The following ANKRD11 variants were observed in gnomAD, a reference collection of about 807,000 sequenced individuals.
ANKRD11 encodes ankyrin repeat domain-containing protein 11.
ANKRD11 carries 17 observed loss-of-function variants against 195.7 expected under a neutral mutation model. The observed-to-expected ratio is 0.09, with a 90% confidence interval of 0.06 to 0.13. The LOEUF (loss-of-function observed/expected upper bound fraction) is 0.13, where lower values mean the gene tolerates loss of function less well. Ranked by LOEUF, ANKRD11 falls within the 10% of genes least tolerant of loss-of-function variation. ANKRD11 has a pLI of 1.00. For synonymous variants in ANKRD11, 1,953 were observed against 1,528.1 expected (o/e 1.28, Z -6.49); for missense variants, 3,735 against 3,566.1 (o/e 1.05, Z -1.21).
chr16:89,456,828 T>A (rs2152325607), intron 1 of ANKRD11, among the ~76,000 whole-genome samples: 1 of 152,304 alleles, frequency 6.6e-6, no homozygotes, highest in Non-Finnish European at 1.5e-5. Context: ...GAGCGCTTCC[T>A]TCGGGGGGAA....
intron 2 of ANKRD11, chr16:89,324,292 G>A (rs1429980672): frequency 3.2e-5 from 40 of 1,260,402 alleles, no homozygotes; most frequent in South Asian, 5.3e-5. Flanking sequence ...TCCGGAACAC[G>A]GACCACCCGA....
chr16:89,313,712 T>C, intron 3 of ANKRD11: 9 of 760,542 alleles, frequency 1.2e-5, no homozygotes, highest in Non-Finnish European at 1.7e-5. Context: ...TGTGTGCACC[T>C]GAGTTCTGGC....
At chr16:89,376,846 C>G (rs2040444385) in intron 2 of ANKRD11, among the ~76,000 whole-genome samples, 1 of 152,158 alleles carries the variant, frequency 6.6e-6, no homozygotes, top group African/African-American at 2.4e-5. Flanking sequence ...GGATAGAAGG[C>G]AAGAAGGGAT....
chr16:89,366,326 T>C lies in ANKRD11; in HGVS notation c.-59-49248A>G, dbSNP rs890448637. ...TGTCTTTATGGTAGAATGGTTTCTATTCCTCTGGGTATATACCCAGTAATG... is the reference window on the plus strand; with the variant it reads ...TGTCTTTATGGTAGAATGGTTTCTACTCCTCTGGGTATATACCCAGTAATG... On this transcript the variant is annotated intron_variant, in intron 2 of 12. Transcript: ENST00000301030. 5.9e-5 allele frequency among the ~76,000 whole-genome samples: 9 copies of C among 152,270 alleles called. No individual in the cohort carries two copies. In the South Asian group the frequency reaches 1.2e-3, roughly 21 times the overall value.
chr16:89,418,446 A>G (rs557171477), intron 1 of ANKRD11, 78 bp from the exon 2 acceptor site: 44 of 398,824 alleles, frequency 1.1e-4, no homozygotes, highest in South Asian at 2.3e-4. Flanking sequence ...GTCTCCCTCC[A>G]TTTGGTCCAC....
chr16:89,355,273 G>A (rs1217429329), intron 2 of ANKRD11, among the ~76,000 whole-genome samples: 1 of 151,314 alleles, frequency 6.6e-6, no homozygotes, highest in Non-Finnish European at 1.5e-5. Context: ...GGCGGGCAGA[G>A]GGCTCACACC....
intron 2 of ANKRD11, among the ~76,000 whole-genome samples, chr16:89,346,104 C>T (rs1300025036): frequency 1.3e-5 from 2 of 151,786 alleles, no homozygotes; most frequent in Non-Finnish European, 2.9e-5. Context: ...AAAAAATTAG[C>T]CGGGCGTGGT....
rs947277113 is a variant in ANKRD11, at chr16:89,486,891, C to A, written c.-145+3354G>T. Among the ~76,000 whole-genome samples the A allele has an allele frequency of 1.6e-4, 24 of 152,044 alleles. 1 individual carries two copies. Among genetic ancestry groups the A allele is most frequent in the Admixed American group, 1.4e-3 (22 of 15,262 alleles). ...GTGTTTGGTAGGAGGTGTCTGTAAT[C>A]CCAGCTACTTGGGAGGCTGAGGCAG... On this transcript the variant is annotated intron_variant, in intron 1 of 12. Coordinates refer to ENST00000301030, the MANE Select transcript of ANKRD11 (RefSeq NM_013275.6).
At position 89,337,007 on chromosome 16, in the gene ANKRD11, C is replaced by CAAAAAA. The variant is rs60248736; in HGVS notation, c.-59-19935_-59-19930dup. On this transcript the variant is annotated intron_variant, in intron 2 of 12. Coordinates refer to ENST00000301030, the MANE Select transcript of ANKRD11 (RefSeq NM_013275.6). ...CAACATGGTGAAACCCTGGCTCTAC[C>CAAAAAA]AAAAAAAAAAAAAAAAAAAAAAAAA... Among the ~76,000 whole-genome samples, 400 of 47,730 alleles carry CAAAAAA rather than the reference C, an allele frequency of 8.4e-3. 7 individuals carry two copies. The highest frequency in any genetic ancestry group is 0.011 in the Non-Finnish European group (293 of 26,758). The allele number at this position is 47,730 out of a possible 152,430, so 31.3% of individuals were successfully genotyped here. A position where few individuals can be genotyped will look rare whatever the true frequency, so the allele number is the denominator to read the frequency against.
At position 89,279,945 on chromosome 16, in the gene ANKRD11, G is replaced by A. The variant is rs762643863; in HGVS notation, c.6597C>T (p.Leu2199=). Residue 2199 remains leucine, a synonymous_variant, in exon 9 of 13, where the codon CTC becomes CTT. Coordinates refer to ENST00000301030, the MANE Select transcript of ANKRD11 (RefSeq NM_013275.6). This position sits in a 1 kb window ranked among gnomAD's most constrained non-coding sequence, Gnocchi z 5.6. ...ALPPDQASTR[L]PAELEPEPSG... ...AGGGCTCAGGCTCGAGCTCTGCAGG[G>A]AGCCGGGTGGAGGCCTGGTCAGGAG... is the stretch of plus-strand genomic sequence containing the variant. The A allele has an allele frequency of 1.4e-5, 22 of 1,609,928 alleles. No individual in the cohort carries two copies. Among genetic ancestry groups the A allele is most frequent in the African/African-American group, 2.7e-5 (2 of 74,898 alleles).
Position 89,282,353 on chromosome 16 carries a change from G to A in ANKRD11, c.4189C>T (p.Leu1397=). 1 of 1,614,168 alleles carries A rather than the reference G, an allele frequency of 6.2e-7. No homozygotes were observed. The highest frequency in any genetic ancestry group is 8.5e-7 in the Non-Finnish European group (1 of 1,180,032). The change falls in exon 9 of 13, where the codon CTG becomes TTG. Residue 1397 remains leucine (L), a synonymous_variant. Coordinates refer to ENST00000301030, the MANE Select transcript of ANKRD11 (RefSeq NM_013275.6). ...KDSGQYEKDF[L]EADAYGVSYN... ...GAAACTCCGTAAGCATCCGCCTCCA[G>A]GAAGTCCTTTTCGTACTGGCCGGAG... is the stretch of plus-strand genomic sequence containing the variant.
At chr16:89,435,000 C>A (rs1321394758) in intron 1 of ANKRD11, among the ~76,000 whole-genome samples, 1 of 152,214 alleles carries the variant, frequency 6.6e-6, no homozygotes, top group Non-Finnish European at 1.5e-5. Flanking sequence ...AACTGATACA[C>A]CCACAGCCAC....
intron 3 of ANKRD11, among the ~76,000 whole-genome samples, chr16:89,305,686 GCGC>G (rs2036159124): frequency 8.3e-5 from 3 of 36,264 alleles, no homozygotes; most frequent in African/African-American, 3.2e-4. Flanking sequence ...CCGCAGACAC[GCGC>G]CACCTCCCAC....
chr16:89,455,646 G>C (rs998491056), intron 1 of ANKRD11, among the ~76,000 whole-genome samples: 3 of 152,080 alleles, frequency 2.0e-5, no homozygotes, highest in African/African-American at 7.2e-5. Flanking sequence ...ATTTGGGCAG[G>C]AGAGAGCTGT....
intron 2 of ANKRD11, among the ~76,000 whole-genome samples, chr16:89,350,177 T>C (rs965137346): frequency 6.6e-5 from 10 of 152,194 alleles, no homozygotes; most frequent in Admixed American, 1.3e-4. Context: ...AAAGATGGAC[T>C]ACACCATGTA....
At chr16:89,330,658 G>C (rs867736151) in intron 2 of ANKRD11, among the ~76,000 whole-genome samples, 1 of 8,368 alleles carries the variant, frequency 1.2e-4, no homozygotes, top group African/African-American at 3.2e-4. Context: ...TACAGTGACT[G>C]GGGGGGGGGG....
At chr16:89,454,743 C>T (rs2056352476) in intron 1 of ANKRD11, among the ~76,000 whole-genome samples, 1 of 128,964 alleles carries the variant, frequency 7.8e-6, no homozygotes, top group Admixed American at 7.7e-5. Context: ...AGCTGCTCCC[C>T]TGGGTGCTTC....
intron 2 of ANKRD11, among the ~76,000 whole-genome samples, chr16:89,378,859 T>G (rs756976331): frequency 1.1e-4 from 15 of 141,256 alleles, no homozygotes; most frequent in Admixed American, 7.1e-4. Context: ...AAGGGGTTGA[T>G]GGGTGGGGCG....
intron 2 of ANKRD11, among the ~76,000 whole-genome samples, chr16:89,400,988 C>T (rs2041658411): frequency 6.6e-6 from 1 of 152,164 alleles, no homozygotes; most frequent in Non-Finnish European, 1.5e-5. Flanking sequence ...TGGCATGGCA[C>T]CCAAGACCAA....
Sources: gnomAD v4.1 joint callset for allele counts (sites outside exome capture counted in the v4.1 genomes callset) on GRCh38, gnomAD v4.1.1 for gene constraint, Gnocchi (gnomAD v3.1) non-coding constraint, MANE v1.5 for transcripts, NCBI Gene and HGNC (gene_info 2026-07-23, HGNC 2026-07-21) for gene names.